PDE7B: variants seen among roughly 807,000 people sequenced by gnomAD.
The protein encoded by PDE7B is 3',5'-cyclic-AMP phosphodiesterase 7B.
PDE7B carries 29 observed loss-of-function variants against 56.2 expected under a neutral mutation model. The observed-to-expected ratio is 0.52, with a 90% CI of 0.38 to 0.70. The LOEUF is 0.70. Among genes scored for constraint, PDE7B ranks in the 30% least tolerant of loss-of-function variants. The pLI, the probability that PDE7B is intolerant of heterozygous loss-of-function variation, is 0.00. For missense variants in PDE7B, 490 were observed against 565.0 expected (o/e 0.87, Z 1.35); for synonymous variants, 197 against 196.9 (o/e 1.00, Z 0.00).
intron 3 of PDE7B, among the ~76,000 whole-genome samples, chr6:136,128,562 C>G (rs570044793): frequency 2.6e-5 from 4 of 151,874 alleles, no homozygotes; most frequent in Admixed American, 2.0e-4. Flanking sequence ...GGGACCCCCC[C>G]ACCCCTGGGC....
intron 8 of PDE7B, among the ~76,000 whole-genome samples, chr6:136,158,944 ATAACTTT>A (rs2128448290): frequency 6.6e-6 from 1 of 152,382 alleles, no homozygotes; most frequent in Admixed American, 6.5e-5. Context: ...TTGTAAAGGA[ATAACTTT>A]CAGTTCAATT....
At chr6:136,092,373 T>TA (rs1450465598) in intron 2 of PDE7B, among the ~76,000 whole-genome samples, 1 of 152,174 alleles carries the variant, frequency 6.6e-6, no homozygotes, top group African/African-American at 2.4e-5. Flanking sequence ...CTAGTGGAAT[T>TA]ATGAAGAGTG....
At chr6:136,100,530 T>C (rs919222043) in intron 2 of PDE7B, among the ~76,000 whole-genome samples, 1 of 152,196 alleles carries the variant, frequency 6.6e-6, no homozygotes, top group Non-Finnish European at 1.5e-5. Flanking sequence ...ATTCTCTTTG[T>C]AGTAATTGTG....
intron 2 of PDE7B, among the ~76,000 whole-genome samples, chr6:136,043,295 C>T (rs895868567): frequency 6.6e-6 from 1 of 152,126 alleles, no homozygotes; most frequent in Non-Finnish European, 1.5e-5. Flanking sequence ...TTCTCCTTCA[C>T]CTGACTTATT....
chr6:136,191,522 C>A (rs1779224454), intron 12 of PDE7B, 92 bp from the exon 13 acceptor site: 1 of 1,044,404 alleles, frequency 9.6e-7, no homozygotes, highest in East Asian at 2.6e-5. Context: ...CAAAAATTAG[C>A]CGGGCGTGGT....
Position 136,014,044 on chromosome 6 carries a change from C to T in PDE7B, c.82+66520C>T, listed in dbSNP as rs74867422. Among the ~76,000 whole-genome samples, 254 of 152,324 alleles carry T rather than the reference C, an allele frequency of 1.7e-3. 2 individuals are homozygous for T. The East Asian group carries it at 0.027, about 16-fold the overall frequency. ...ATTTGACCAATTCATTTATGTCTCA[C>T]CCCAAACTTGTTCTTTTAGAATTCA... On this transcript the variant is annotated intron_variant, in intron 2 of 12. Coordinates refer to ENST00000308191, the MANE Select transcript of PDE7B (RefSeq NM_018945.4).
intron 2 of PDE7B, among the ~76,000 whole-genome samples, chr6:136,106,988 C>A (rs557924633): frequency 7.9e-5 from 12 of 152,302 alleles, no homozygotes; most frequent in Admixed American, 1.3e-4. Context: ...TTACAATATT[C>A]TTTCATATCA....
At chr6:136,138,628 G>A (rs960372816) in intron 3 of PDE7B, among the ~76,000 whole-genome samples, 4 of 151,918 alleles carry the variant, frequency 2.6e-5, no homozygotes, top group African/African-American at 7.3e-5. Context: ...TATTGTTTTC[G>A]CAAATGGCTA....
At chr6:136,082,647 G>A (rs1204795143) in intron 2 of PDE7B, among the ~76,000 whole-genome samples, 2 of 152,160 alleles carry the variant, frequency 1.3e-5, no homozygotes, top group Non-Finnish European at 2.9e-5. Flanking sequence ...TCTCTTCTAG[G>A]TAGAGCAAAG....
chr6:136,058,825 A>G (rs540307246), intron 2 of PDE7B, among the ~76,000 whole-genome samples: 16 of 152,292 alleles, frequency 1.1e-4, no homozygotes, highest in African/African-American at 3.8e-4. Flanking sequence ...GACTACTAGA[A>G]CCAAAGTCAT....
At chr6:136,046,730 A>G (rs1279495399) in intron 2 of PDE7B, among the ~76,000 whole-genome samples, 3 of 152,184 alleles carry the variant, frequency 2.0e-5, no homozygotes, top group Non-Finnish European at 4.4e-5. Context: ...GGAAGCCTCA[A>G]TGTGCCCATA....
chr6:136,156,163 G>GTC (rs1778600496), intron 8 of PDE7B: 1 of 110,884 alleles, frequency 9.0e-6, no homozygotes, highest in Non-Finnish European at 1.6e-5. Context: ...AATGATCCAA[G>GTC]TGTGTGTGTG....
chr6:136,137,252 T>C (rs1392999912), intron 3 of PDE7B, among the ~76,000 whole-genome samples: 1 of 151,822 alleles, frequency 6.6e-6, no homozygotes, highest in African/African-American at 2.4e-5. Context: ...CTGGGCAGCA[T>C]AGCAAGACTG....
chr6:135,991,708 T>A (rs1406133377), intron 2 of PDE7B, among the ~76,000 whole-genome samples: 1 of 152,202 alleles, frequency 6.6e-6, no homozygotes, highest in African/African-American at 2.4e-5. Flanking sequence ...AAAAAATTGC[T>A]TTTTAAGTGT....
chr6:136,141,159 A>G (rs914454803), intron 3 of PDE7B, among the ~76,000 whole-genome samples: 5 of 152,140 alleles, frequency 3.3e-5, no homozygotes, highest in Admixed American at 2.6e-4. Flanking sequence ...TAATTTATTG[A>G]GAGTTTTTAG....
chr6:135,897,115 A>G (rs1775916173), intron 1 of PDE7B, among the ~76,000 whole-genome samples: 1 of 152,132 alleles, frequency 6.6e-6, no homozygotes, highest in South Asian at 2.1e-4. Context: ...TCCCACCTAC[A>G]CAGTAGCCTT....
At chr6:135,978,987 C>T (rs1775244024) in intron 2 of PDE7B, among the ~76,000 whole-genome samples, 2 of 151,968 alleles carry the variant, frequency 1.3e-5, no homozygotes, top group African/African-American at 2.4e-5. Context: ...AGTTTTTGCC[C>T]ATTCAGTATG....
At chr6:136,021,466 G>T (rs990099615) in intron 2 of PDE7B, among the ~76,000 whole-genome samples, 6 of 152,032 alleles carry the variant, frequency 3.9e-5, no homozygotes, top group African/African-American at 1.4e-4. Context: ...CCAACATGAT[G>T]AGACCCCATC....
chr6:135,982,440 C>G (rs569735847), intron 2 of PDE7B, among the ~76,000 whole-genome samples: 54 of 152,028 alleles, frequency 3.6e-4, no homozygotes, highest in Admixed American at 1.2e-3. Flanking sequence ...TCTCAACTTC[C>G]AAACACAGGG....
Sources: allele counts gnomAD v4.1 joint callset (sites outside exome capture counted in the v4.1 genomes callset), GRCh38; gene constraint gnomAD v4.1.1; transcripts MANE v1.5; gene names NCBI Gene and HGNC (gene_info 2026-07-23, HGNC 2026-07-21).